RPS6KA2: variants seen among roughly 807,000 people sequenced by gnomAD.
RPS6KA2 encodes the protein ribosomal protein S6 kinase alpha-2.
Under a neutral mutation model 91.8 loss-of-function variants are expected in RPS6KA2, and 42 were observed. That is an observed-to-expected ratio of 0.46 (90% CI 0.36 to 0.59). The LOEUF is 0.59. Among genes scored for constraint, RPS6KA2 ranks in the 20% least tolerant of loss-of-function variants. The pLI is 0.00. For missense variants in RPS6KA2, 798 were observed against 978.5 expected (o/e 0.82, Z 2.46); for synonymous variants, 414 against 393.6 (o/e 1.05, Z -0.61).
chr6:166,596,037 A>G (rs1164410911), intron 1 of RPS6KA2, among the ~76,000 whole-genome samples: 1 of 152,250 alleles, frequency 6.6e-6, no homozygotes, highest in African/African-American at 2.4e-5. Flanking sequence ...CTTATCTCAC[A>G]GAAAGGGAAA....
intron 2 of RPS6KA2, among the ~76,000 whole-genome samples, chr6:166,687,384 C>T (rs1281518483): frequency 6.6e-6 from 1 of 152,168 alleles, no homozygotes; most frequent in Non-Finnish European, 1.5e-5. Flanking sequence ...GTCCATGGTG[C>T]TGTGTATATA....
intron 2 of RPS6KA2, among the ~76,000 whole-genome samples, chr6:166,753,176 C>A (rs1777900607): frequency 6.6e-6 from 1 of 152,122 alleles, no homozygotes; most frequent in Non-Finnish European, 1.5e-5. Context: ...CTATCTTGTT[C>A]ATGGTTTCAC....
At chr6:166,621,434 T>C (rs1449747153) in intron 1 of RPS6KA2, among the ~76,000 whole-genome samples, 1 of 152,246 alleles carries the variant, frequency 6.6e-6, no homozygotes, top group Non-Finnish European at 1.5e-5. Context: ...GGAATATATT[T>C]GTGTCTGATC....
intron 11 of RPS6KA2, among the ~76,000 whole-genome samples, chr6:166,465,685 G>A (rs1780493120): frequency 6.6e-6 from 1 of 152,148 alleles, no homozygotes; most frequent in African/African-American, 2.4e-5. Flanking sequence ...CCCTCTTTCA[G>A]GCATCATTTC....
At position 166,703,880 on chromosome 6, in the gene RPS6KA2, A is replaced by T. The variant is rs545306763; in HGVS notation, c.123+154320T>A. Among the ~76,000 whole-genome samples, 4 of 152,380 alleles carry T rather than the reference A, an allele frequency of 2.6e-5. No homozygotes were observed. The East Asian group carries it at 7.7e-4, about 29-fold the overall frequency. On this transcript the variant is annotated intron_variant, in intron 2 of 21. Coordinates refer to the RPS6KA2 transcript ENST00000503859. The stretch of plus-strand genomic sequence containing the variant: ...AAACAAAAGGAGAATGGAAAAAATT[A>T]TAGAAATATGAAATGGGACTTACAA...
chr6:166,595,011 G>A (rs895493112), intron 1 of RPS6KA2, among the ~76,000 whole-genome samples: 1 of 151,988 alleles, frequency 6.6e-6, no homozygotes, highest in Admixed American at 6.6e-5. Flanking sequence ...CTTGGTCTTG[G>A]TTTTCTCACC....
At chr6:166,656,651 G>A (rs1788010484) in intron 2 of RPS6KA2, among the ~76,000 whole-genome samples, 1 of 152,230 alleles carries the variant, frequency 6.6e-6, no homozygotes, top group Admixed American at 6.5e-5. Context: ...ATTTCCCGGA[G>A]CTCCCAGCTG....
intron 8 of RPS6KA2, among the ~76,000 whole-genome samples, chr6:166,492,663 T>C (rs1781633408): frequency 6.6e-6 from 1 of 152,216 alleles, no homozygotes; most frequent in South Asian, 2.1e-4. Context: ...TATCATTTAT[T>C]TTTTGCTGAT....
intron 3 of RPS6KA2, among the ~76,000 whole-genome samples, chr6:166,512,105 A>C (rs1382653581): frequency 1.3e-5 from 2 of 152,106 alleles, no homozygotes; most frequent in African/African-American, 2.4e-5. Flanking sequence ...ACACATACAC[A>C]AACACACACA....
At chr6:166,762,030 T>G (rs916368561) in intron 2 of RPS6KA2, among the ~76,000 whole-genome samples, 4 of 152,152 alleles carry the variant, frequency 2.6e-5, no homozygotes, top group Non-Finnish European at 5.9e-5. Context: ...AAAGAAGCCT[T>G]GCAGACAGGA....
At chr6:166,747,028 G>C (rs1325903365) in intron 2 of RPS6KA2, among the ~76,000 whole-genome samples, 1 of 152,240 alleles carries the variant, frequency 6.6e-6, no homozygotes, top group Non-Finnish European at 1.5e-5. Flanking sequence ...TCCTCCGGCT[G>C]TTCAGTAATC....
intron 2 of RPS6KA2, among the ~76,000 whole-genome samples, chr6:166,700,673 T>C (rs966000117): frequency 3.9e-5 from 6 of 152,162 alleles, no homozygotes; most frequent in Non-Finnish European, 4.4e-5. Context: ...AACATTTAAG[T>C]TCCTGTAATA....
At chr6:166,718,529 T>A (rs575461791) in intron 2 of RPS6KA2, among the ~76,000 whole-genome samples, 4 of 152,358 alleles carry the variant, frequency 2.6e-5, no homozygotes, top group East Asian at 3.9e-4. Context: ...ACATATTGAC[T>A]TTTTTATCAT....
At chr6:166,590,323 A>T (rs1330108745) in intron 1 of RPS6KA2, among the ~76,000 whole-genome samples, 1 of 152,220 alleles carries the variant, frequency 6.6e-6, no homozygotes, top group African/African-American at 2.4e-5. Flanking sequence ...AGAATCAGTC[A>T]TTAGGGTCTG....
intron 14 of RPS6KA2, among the ~76,000 whole-genome samples, chr6:166,440,861 C>G (rs955444986): frequency 6.6e-6 from 1 of 152,252 alleles, no homozygotes; most frequent in South Asian, 2.1e-4. Context: ...CCGCAAGTGC[C>G]GCCGGTGAGT....
chr6:166,795,981 A>G (rs557199841), intron 2 of RPS6KA2, among the ~76,000 whole-genome samples: 1 of 152,366 alleles, frequency 6.6e-6, no homozygotes, highest in South Asian at 2.1e-4. Flanking sequence ...GGCACTATAA[A>G]GATTATTTTA....
chr6:166,710,445 C>T (rs118058445), intron 2 of RPS6KA2, among the ~76,000 whole-genome samples: 294 of 150,008 alleles, frequency 2.0e-3, no homozygotes, highest in Non-Finnish European at 2.6e-3. Flanking sequence ...TGTATGTGTA[C>T]GGTGTTTGTG....
chr6:166,499,296 C>T (rs558250901), intron 7 of RPS6KA2, among the ~76,000 whole-genome samples: 262 of 152,272 alleles, frequency 1.7e-3, no homozygotes, highest in African/African-American at 6.0e-3. Flanking sequence ...GATGACAGAG[C>T]GTGGCTAAAT....
intron 2 of RPS6KA2, among the ~76,000 whole-genome samples, chr6:166,663,351 A>G (rs185154690): frequency 2.2e-4 from 33 of 152,284 alleles, no homozygotes; most frequent in Non-Finnish European, 4.1e-4. Flanking sequence ...TGCGAGTGAC[A>G]ATGAACGTGA....
Sources: allele counts gnomAD v4.1 joint callset (sites outside exome capture counted in the v4.1 genomes callset), GRCh38; gene constraint gnomAD v4.1.1; transcripts MANE v1.5; gene names NCBI Gene and HGNC (gene_info 2026-07-23, HGNC 2026-07-21).